The following ANO1 variants were observed in gnomAD, a reference collection of about 807,000 sequenced individuals.
ANO1 encodes the protein anoctamin-1.
Under a neutral mutation model 124.0 loss-of-function variants are expected in ANO1, and 59 were observed. The ratio of observed to expected loss-of-function variants is 0.48; its 90% CI spans 0.39 to 0.59. The LOEUF is 0.59. ANO1 is among the 20% of genes least tolerant of loss of function. The pLI is 0.00. For synonymous variants in ANO1, 529 were observed against 532.0 expected, an observed-to-expected ratio of 0.99 and a Z score of 0.08; for missense variants, 1,059 against 1,328.0, an observed-to-expected ratio of 0.80 and a Z score of 3.15.
chr11:69,980,147 C>A, the ANO1 span, among the ~76,000 whole-genome samples: 1 of 152,130 alleles, frequency 6.6e-6, no homozygotes, highest in Non-Finnish European at 1.5e-5. Flanking sequence ...GAGGACATTA[C>A]ACCCACTGAA....
chr11:70,153,891 G>A (rs1291766271), intron 14 of ANO1, among the ~76,000 whole-genome samples: 3 of 151,932 alleles, frequency 2.0e-5, no homozygotes, highest in East Asian at 3.9e-4. Flanking sequence ...TCAGCCTCCC[G>A]GGTACCTGGG....
intron 6 of ANO1, among the ~76,000 whole-genome samples, chr11:70,109,106 T>G (rs530092587): frequency 4.3e-4 from 66 of 152,330 alleles, no homozygotes; most frequent in African/African-American, 1.5e-3. Context: ...TCTTATGACC[T>G]GCTGAGAGCC....
intron 1 of ANO1, among the ~76,000 whole-genome samples, chr11:70,011,761 A>G (rs1856601702): frequency 1.3e-5 from 2 of 152,144 alleles, no homozygotes; most frequent in Admixed American, 1.3e-4. Context: ...CAGAGTGCTG[A>G]GTGTTGACTC....
intron 1 of ANO1, among the ~76,000 whole-genome samples, chr11:70,054,117 GC>G (rs1857396501): frequency 6.6e-6 from 1 of 152,182 alleles, no homozygotes. Flanking sequence ...GGCAAGAGGG[GC>G]CCCTGCCCTG....
intron 18 of ANO1, among the ~76,000 whole-genome samples, chr11:70,162,577 C>A (rs1363004825): frequency 2.0e-5 from 3 of 152,114 alleles, no homozygotes; most frequent in African/African-American, 4.8e-5. Flanking sequence ...TGCGGTGGGG[C>A]CTGCGGCCCA....
At chr11:70,120,889 C>T (rs938528098) in intron 8 of ANO1, among the ~76,000 whole-genome samples, 4 of 152,176 alleles carry the variant, frequency 2.6e-5, no homozygotes, top group Admixed American at 6.5e-5. Flanking sequence ...CTCCAGCCCA[C>T]AGCCCCCATG....
intron 1 of ANO1, among the ~76,000 whole-genome samples, chr11:70,041,720 A>G (rs1857185918): frequency 6.6e-6 from 1 of 151,974 alleles, no homozygotes; most frequent in South Asian, 2.1e-4. Context: ...TCTCGGTGAA[A>G]ATATGTTGAA....
the ANO1 span, among the ~76,000 whole-genome samples, chr11:69,974,368 T>G: frequency 6.6e-6 from 1 of 152,138 alleles, no homozygotes; most frequent in Non-Finnish European, 1.5e-5. Context: ...CACTTAGAGA[T>G]GGTTACTATG....
intron 2 of ANO1, among the ~76,000 whole-genome samples, chr11:70,102,559 G>A (rs944870842): frequency 6.6e-5 from 10 of 152,224 alleles, no homozygotes; most frequent in African/African-American, 2.4e-4. Flanking sequence ...CAGTGGACCT[G>A]GAGCAGGCAG....
chr11:70,056,757 G>T (rs1243884272), intron 1 of ANO1, among the ~76,000 whole-genome samples: 12 of 150,718 alleles, frequency 8.0e-5, no homozygotes, highest in Admixed American at 7.9e-4. Context: ...TTTTTTCAGA[G>T]TTCCAACTGC....
chr11:70,111,218 C>T, intron 6 of ANO1: 1 of 458,868 alleles, frequency 2.2e-6, no homozygotes, highest in Non-Finnish European at 4.4e-6. Context: ...TCCGGCTTTC[C>T]CAATCAACCT....
chr11:70,176,954 C>T (rs577385183), intron 22 of ANO1, among the ~76,000 whole-genome samples: 131 of 152,260 alleles, frequency 8.6e-4, no homozygotes, highest in African/African-American at 3.1e-3. Flanking sequence ...ACACACCCCG[C>T]GGATGTGCAG....
At chr11:70,104,401 A>AC in intron 4 of ANO1, among the ~76,000 whole-genome samples, 1 of 151,994 alleles carries the variant, frequency 6.6e-6, no homozygotes, top group Non-Finnish European at 1.5e-5. Flanking sequence ...CTGAGTGAGG[A>AC]CCCCAAAGCA....
chr11:70,052,541 T>C (rs1555006372), intron 1 of ANO1, among the ~76,000 whole-genome samples: 6 of 65,112 alleles, frequency 9.2e-5, no homozygotes, highest in Non-Finnish European at 1.4e-4. Context: ...CTTTTTTTTT[T>C]TTTTTTTTTT....
intron 2 of ANO1, among the ~76,000 whole-genome samples, chr11:70,099,761 C>A (rs1231174384): frequency 6.6e-6 from 1 of 152,208 alleles, no homozygotes; most frequent in Non-Finnish European, 1.5e-5. Flanking sequence ...GGCTCCCCTG[C>A]TGGGAAACAG....
the ANO1 span, among the ~76,000 whole-genome samples, chr11:69,975,782 AG>A: frequency 6.6e-6 from 1 of 152,252 alleles, no homozygotes; most frequent in South Asian, 2.1e-4. Flanking sequence ...CCTGGCAGGT[AG>A]TATAACCCAC....
chr11:70,086,794 C>A (rs1190472766), intron 1 of ANO1, among the ~76,000 whole-genome samples: 1 of 152,202 alleles, frequency 6.6e-6, no homozygotes, highest in Non-Finnish European at 1.5e-5. Flanking sequence ...TTAACCCACC[C>A]CTGTCAGCCT....
intron 1 of ANO1, among the ~76,000 whole-genome samples, chr11:70,071,091 G>A (rs984595827): frequency 4.6e-5 from 7 of 152,252 alleles, no homozygotes; most frequent in East Asian, 3.9e-4. Flanking sequence ...GAAATAGGGC[G>A]CTCTCTTGGC....
chr11:70,095,411 AAAGAAAG>A lies in ANO1; in HGVS notation c.441+7330_441+7336del, dbSNP rs1191728036. 6.7e-4 allele frequency among the ~76,000 whole-genome samples: 19 copies of A among 28,356 alleles called. 3 individuals carry two copies. Among genetic ancestry groups the A allele is most frequent in the Non-Finnish European group, 1.3e-3 (12 of 8,894 alleles). The allele number at this position is 28,356 out of a possible 152,430, so 18.6% of individuals were successfully genotyped here. A position where few individuals can be genotyped will look rare whatever the true frequency, so the allele number is the denominator to read the frequency against. ...GAAAGAAAGAAAGAAAGAAAGAAAG[AAAGAAAG>A]AAAGAAAGAAAAGAAAAGAAAGAAA... is the stretch of plus-strand genomic sequence containing the variant. On this transcript the variant is annotated intron_variant, in intron 2 of 25. Coordinates refer to ENST00000355303, the MANE Select transcript of ANO1 (RefSeq NM_018043.7).
Sources: allele counts gnomAD v4.1 joint callset (sites outside exome capture counted in the v4.1 genomes callset), GRCh38; gene constraint gnomAD v4.1.1; transcripts MANE v1.5; gene names NCBI Gene and HGNC (gene_info 2026-07-23, HGNC 2026-07-21).